Variants in PIM3 observed in about 807,000 individuals in gnomAD.
PIM3 encodes serine/threonine-protein kinase pim-3.
Under a neutral mutation model 27.5 loss-of-function variants are expected in PIM3, and 13 were observed. That is an observed-to-expected ratio of 0.47 (90% confidence interval 0.31 to 0.75). The LOEUF is 0.75. PIM3 is among the 30% of genes least tolerant of loss of function. The pLI is 0.05. For synonymous variants in PIM3, 341 were observed against 221.1 expected (o/e 1.54, Z -4.81); for missense variants, 482 against 476.9 (o/e 1.01, Z -0.10).
At chr22:49,962,579 C>T (rs1479835684) in intron 4 of PIM3, 110 bp from the exon 5 acceptor site, 45 of 1,262,566 alleles carry the variant, frequency 3.6e-5, no homozygotes, top group Non-Finnish European at 4.4e-5. Context: ...ATTTTGAGGC[C>T]TGGCTCTGCT....
At position 49,961,739 on chromosome 22, in the gene PIM3, T is replaced by G; in HGVS notation, c.544T>G (p.Ser182Ala). ...KDENLLVDLR[S>A]GELKLIDFGS... ...CGAAAATCTGCTTGTGGACCTGCGC[T>G]CCGGAGAGCTCAAGCTCATCGACTT... is the stretch of plus-strand genomic sequence containing the variant. The change falls in exon 4 of 6, where the codon TCC becomes GCC. Residue 182 changes from serine to alanine, a missense_variant. By Grantham distance (99) the Ser-to-Ala change is moderately conservative. Transcript: ENST00000360612. 3 of 1,611,452 alleles carry G rather than the reference T, an allele frequency of 1.9e-6. No individual in the cohort carries two copies. The highest frequency in any genetic ancestry group is 1.7e-6 in the Non-Finnish European group (2 of 1,179,392).
intron 4 of PIM3, 42 bp from the exon 5 acceptor site, chr22:49,962,647 T>C: frequency 6.3e-7 from 1 of 1,578,802 alleles, no homozygotes; most frequent in Non-Finnish European, 8.6e-7. Context: ...GTTGAGCGGC[T>C]CTGCCTCTGT....
Position 49,961,436 on chromosome 22 carries a change from C to T in PIM3, c.247-6C>T, listed in dbSNP as rs1343869336. ...CGGGGCTTTTGCTGACCGCCGTGTC[C>T]CCCAGGGCGGCGCGACCGTGCCCCT... is the stretch of plus-strand genomic sequence containing the variant. On this transcript the variant is annotated splice_region_variant and splice_polypyrimidine_tract_variant and intron_variant, in intron 3 of 5. Coordinates refer to ENST00000360612, the MANE Select transcript of PIM3 (RefSeq NM_001001852.4). 2.1e-6 allele frequency: 3 copies of T among 1,428,638 alleles called. No homozygotes were observed. The highest frequency in any genetic ancestry group is 3.5e-5 in the Admixed American group (1 of 28,498). The allele number at this position is 1,428,638 out of a possible 1,614,324, so 88.5% of individuals were successfully genotyped here.
At position 49,961,672 on chromosome 22, in the gene PIM3, C is replaced by T. The variant is rs780095833; in HGVS notation, c.477C>T (p.Arg159=). ...TCGCGCAGGTGCTGGCCGCCGTGCG[C>T]CACTGCCACAGCTGCGGGGTCGTGC... is the stretch of plus-strand genomic sequence containing the variant. ...RFFAQVLAAV[R]HCHSCGVVHR... The change falls in exon 4 of 6, where the codon CGC becomes CGT. Residue 159 remains arginine, a synonymous_variant. Coordinates refer to ENST00000360612, the MANE Select transcript of PIM3 (RefSeq NM_001001852.4). 13 of 1,591,516 alleles carry T rather than the reference C, an allele frequency of 8.2e-6. No individual in the cohort carries two copies. The Admixed American group carries it at 1.1e-4, about 13-fold the overall frequency.
At chr22:49,961,276 T>C (rs749969413) in intron 2 of PIM3, 42 bp downstream of exon 2, 2 of 1,540,018 alleles carry the variant, frequency 1.3e-6, no homozygotes, top group Admixed American at 2.0e-5. Flanking sequence ...CTCGCGCGCC[T>C]TGCGCCTCGC....
In PIM3 at chr22:49,962,849, G is replaced by A. The variant is rs118127603; in HGVS notation, c.777G>A (p.Arg259=). The A allele has an allele frequency of 3.7e-3, 6,018 of 1,610,140 alleles. 11 individuals carry two copies. The highest frequency in any genetic ancestry group is 4.7e-3 in the Non-Finnish European group (5,583 of 1,179,606). The change falls in exon 5 of 6, where the codon CGG becomes CGA. Residue 259 remains arginine, a synonymous_variant. Transcript: ENST00000360612. ...TCCTCCGAGGCCGCCTGCTCTTCCG[G>A]AGGAGGGTCTCTCCAGGTGCGTGGT... ...EEILRGRLLF[R]RRVSPECQQL...
At chr22:49,962,484 C>A (rs1247672738) in intron 4 of PIM3, among the ~76,000 whole-genome samples, 2 of 151,908 alleles carry the variant, frequency 1.3e-5, no homozygotes, top group East Asian at 1.9e-4. Context: ...TGCTCCTCCC[C>A]CGCGGCCGGC....
rs759510295 is a variant in PIM3, at chr22:49,961,721, C to G, written c.526C>G (p.Leu176Val). The G allele has an allele frequency of 1.9e-6, 3 of 1,610,032 alleles. No homozygotes were observed. The highest frequency in any genetic ancestry group is 1.3e-5 in the African/African-American group (1 of 74,838). The stretch of plus-strand genomic sequence containing the variant: ...GCACCGCGACATTAAGGACGAAAAT[C>G]TGCTTGTGGACCTGCGCTCCGGAGA... Reference protein sequence around the residue: ...VVHRDIKDENLLVDLRSGELK... With the variant: ...VVHRDIKDENVLVDLRSGELK... Residue 176 changes from leucine (L) to valine (V), a missense_variant, in exon 4 of 6, where the codon CTG becomes GTG. Leu to Val is a conservative substitution (Grantham distance 32). Coordinates refer to ENST00000360612, the MANE Select transcript of PIM3 (RefSeq NM_001001852.4).
chr22:49,960,859 A>G lies in PIM3; in HGVS notation c.-89A>G. ...GCCGCGCGGACCGCCTCGGGCTCGG[A>G]CGGCCGGTGTCCCCGGCGCGCCGCT... On this transcript the variant is annotated 5_prime_UTR_variant, in exon 1 of 6. Coordinates refer to ENST00000360612, the MANE Select transcript of PIM3 (RefSeq NM_001001852.4). 1.0e-6 allele frequency: 1 copy of G among 982,928 alleles called. No individual in the cohort carries two copies. The highest frequency in any genetic ancestry group is 1.2e-6 in the Non-Finnish European group (1 of 801,608). 60.9% of individuals were successfully genotyped at this position (982,928 alleles called of 1,614,324 possible).
At position 49,960,848 on chromosome 22, in the gene PIM3, C is replaced by T. The variant is rs2060901965; in HGVS notation, c.-100C>T. Reference sequence around the variant, plus strand: ...GGGCCCACTGCGCCGCGCGGACCGCCTCGGGCTCGGACGGCCGGTGTCCCC... The same window carrying T: ...GGGCCCACTGCGCCGCGCGGACCGCTTCGGGCTCGGACGGCCGGTGTCCCC... On this transcript the variant is annotated 5_prime_UTR_variant, in exon 1 of 6. Transcript: ENST00000360612. 2 of 915,310 alleles carry T rather than the reference C, an allele frequency of 2.2e-6. No individual in the cohort carries two copies. The highest frequency in any genetic ancestry group is 5.1e-5 in the South Asian group (1 of 19,732). 56.7% of individuals were successfully genotyped at this position (915,310 alleles called of 1,614,324 possible). A position where few individuals can be genotyped will look rare whatever the true frequency, so the allele number is the denominator to read the frequency against.
chr22:49,961,112 C>T lies in PIM3; in HGVS notation c.86-13C>T, dbSNP rs748085358. ...CCCCGGGCCGCACCAACCCCGCCCG[C>T]GCCTCCCTGCAGCCAAGGCGGACAA... On this transcript the variant is annotated splice_polypyrimidine_tract_variant and intron_variant, in intron 1 of 5. Coordinates refer to ENST00000360612, the MANE Select transcript of PIM3 (RefSeq NM_001001852.4). 1.2e-5 allele frequency: 17 copies of T among 1,466,522 alleles called. No homozygotes were observed. The highest frequency in any genetic ancestry group is 1.4e-5 in the Non-Finnish European group (16 of 1,107,312). 90.8% of individuals were successfully genotyped at this position (1,466,522 alleles called of 1,614,324 possible).
intron 4 of PIM3, among the ~76,000 whole-genome samples, chr22:49,962,046 TG>T (rs1416844203): frequency 6.6e-6 from 1 of 151,620 alleles, no homozygotes; most frequent in African/African-American, 2.4e-5. Context: ...TCCATCGCGT[TG>T]GGGGGTACGG....
rs536830202 is a variant in PIM3 at position 49,963,372 on chromosome 22, C to G, written c.*245C>G. ...CCTGCCCTGGGTGGATACTTGAACC[C>G]CAGACGCCCCTCTGTGCTGCTGTGT... On this transcript the variant is annotated 3_prime_UTR_variant, in exon 6 of 6. Transcript: ENST00000360612. 444 of 478,508 alleles carry G rather than the reference C, an allele frequency of 9.3e-4. No individual in the cohort carries two copies. The highest frequency in any genetic ancestry group is 1.4e-3 in the Non-Finnish European group (377 of 268,254). 29.6% of individuals were successfully genotyped at this position (478,508 alleles called of 1,614,324 possible). A position where few individuals can be genotyped will look rare whatever the true frequency, so the allele number is the denominator to read the frequency against.
rs2060902651 is a variant in PIM3 at position 49,960,965 on chromosome 22, C to T, written c.18C>T (p.Phe6=). Residue 6 remains phenylalanine, a synonymous_variant, in exon 1 of 6, where the codon TTC becomes TTT. Coordinates refer to ENST00000360612, the MANE Select transcript of PIM3 (RefSeq NM_001001852.4). ...CGCCCGCGATGCTGCTCTCCAAGTT[C>T]GGCTCCCTGGCGCACCTCTGCGGGC... MLLSK[F]GSLAHLCGPG... 1 of 1,381,410 alleles carries T rather than the reference C, an allele frequency of 7.2e-7. No individual in the cohort carries two copies. The highest frequency in any genetic ancestry group is 9.4e-7 in the Non-Finnish European group (1 of 1,058,464). 85.6% of individuals were successfully genotyped at this position (1,381,410 alleles called of 1,614,324 possible).
chr22:49,961,741 C>T lies in PIM3; in HGVS notation c.546C>T (p.Ser182=), dbSNP rs765631776. 9.1e-5 allele frequency: 147 copies of T among 1,611,366 alleles called. 1 individual carries two copies. The highest frequency in any genetic ancestry group is 8.2e-4 in the Middle Eastern group (5 of 6,068). Residue 182 remains serine (S), a synonymous_variant, in exon 4 of 6, where the codon TCC becomes TCT. Transcript: ENST00000360612. ...AAAATCTGCTTGTGGACCTGCGCTCCGGAGAGCTCAAGCTCATCGACTTCG... is the reference window on the plus strand; with the variant it reads ...AAAATCTGCTTGTGGACCTGCGCTCTGGAGAGCTCAAGCTCATCGACTTCG... ...KDENLLVDLR[S]GELKLIDFGS...
At chr22:49,961,905 G>T in intron 4 of PIM3, 94 bp downstream of exon 4, 1 of 1,530,166 alleles carries the variant, frequency 6.5e-7, no homozygotes. Flanking sequence ...ATGACTGTTG[G>T]GCGGCCGCGC....
chr22:49,962,597 A>G, intron 4 of PIM3, 92 bp from the exon 5 acceptor site: 1 of 1,376,574 alleles, frequency 7.3e-7, no homozygotes, highest in Non-Finnish European at 9.8e-7. Context: ...GCTTCCTGTT[A>G]CTGAGGCCAG....
At position 49,960,790 on chromosome 22, in the gene PIM3, G is replaced by C. The variant is rs2146702595; in HGVS notation, c.-158G>C. 2 of 290,620 alleles carry C rather than the reference G, an allele frequency of 6.9e-6. No homozygotes were observed. The highest frequency in any genetic ancestry group is 1.4e-4 in the South Asian group (1 of 7,166). 18.0% of individuals were successfully genotyped at this position (290,620 alleles called of 1,614,324 possible). On this transcript the variant is annotated 5_prime_UTR_variant, in exon 1 of 6. Coordinates refer to ENST00000360612, the MANE Select transcript of PIM3 (RefSeq NM_001001852.4). ...CCGGGGCGGGTGAGGCGCTCCGCCTGCTGCGCGTCTACGCGGTCCCCGCGG... is the reference window on the plus strand; with the variant it reads ...CCGGGGCGGGTGAGGCGCTCCGCCTCCTGCGCGTCTACGCGGTCCCCGCGG...
At position 49,961,132 on chromosome 22, in the gene PIM3, G is replaced by A; in HGVS notation, c.93G>A (p.Ala31=). ...LPVKILQPAK[A]DKESFEKAYQ... ...GCCCGCGCCTCCCTGCAGCCAAGGC[G>A]GACAAGGAGAGCTTCGAGAAGGCGT... is the stretch of plus-strand genomic sequence containing the variant. Residue 31 remains alanine (A), a synonymous_variant, in exon 2 of 6, where the codon GCG becomes GCA. Transcript: ENST00000360612. 1.3e-6 allele frequency: 2 copies of A among 1,501,504 alleles called. No individual in the cohort carries two copies. Among genetic ancestry groups the A allele is most frequent in the Non-Finnish European group, 1.8e-6 (2 of 1,126,770 alleles). The allele number at this position is 1,501,504 out of a possible 1,614,324, so 93.0% of individuals were successfully genotyped here.
Sources: gnomAD v4.1 joint callset for allele counts (sites outside exome capture counted in the v4.1 genomes callset) on GRCh38, gnomAD v4.1.1 for gene constraint, MANE v1.5 for transcripts, NCBI Gene and HGNC (gene_info 2026-07-23, HGNC 2026-07-21) for gene names.